Variants in KRCC1 observed in about 807,000 individuals in gnomAD.
KRCC1 encodes the protein lysine-rich coiled-coil protein 1.
A neutral mutation model predicts 7.4 loss-of-function variants in KRCC1; 3 were observed. The ratio of observed to expected loss-of-function variants is 0.40; its 90% CI spans 0.18 to 1.04. KRCC1 has a LOEUF of 1.04. Ranked by LOEUF, KRCC1 falls within the 50% of genes least tolerant of loss-of-function variation. KRCC1 has a pLI of 0.33. For synonymous variants in KRCC1, 102 were observed against 101.6 expected (o/e 1.00, Z -0.02); for missense variants, 277 against 300.9 (o/e 0.92, Z 0.59).
At chr2:88,053,418 A>C (rs1229276666) in intron 1 of KRCC1, among the ~76,000 whole-genome samples, 1 of 152,238 alleles carries the variant, frequency 6.6e-6, no homozygotes, top group Admixed American at 6.5e-5. Flanking sequence ...TCTGCCAAAA[A>C]GCTTTTTTCC....
chr2:88,055,121 T>TC (rs976598819), intron 1 of KRCC1, among the ~76,000 whole-genome samples: 2 of 150,758 alleles, frequency 1.3e-5, no homozygotes, highest in Non-Finnish European at 3.0e-5. Context: ...CCTCTTCTCT[T>TC]CCCCCAAGGG....
intron 1 of KRCC1, among the ~76,000 whole-genome samples, chr2:88,051,340 T>C (rs1673479797): frequency 6.6e-6 from 1 of 152,216 alleles, no homozygotes; most frequent in Non-Finnish European, 1.5e-5. Flanking sequence ...TTCAAATCAG[T>C]TTTAATGGTC....
intron 2 of KRCC1, among the ~76,000 whole-genome samples, chr2:88,036,267 A>G (rs1350709078): frequency 6.6e-6 from 1 of 152,320 alleles, no homozygotes; most frequent in East Asian, 1.9e-4. Context: ...AGCCATTGTA[A>G]TGTAGTATAC....
Position 88,041,952 on chromosome 2 carries a change from C to T in KRCC1, c.-290-4901G>A, listed in dbSNP as rs1048062784. ...TAAAATCCTGGAGGTAGCATCTCTC[C>T]CCCCCGATATTGGCTATCTTCTCCC... On this transcript the variant is annotated intron_variant, in intron 1 of 3. Transcript: ENST00000347055. 7.2e-5 allele frequency among the ~76,000 whole-genome samples: 11 copies of T among 152,092 alleles called. No homozygotes were observed. The South Asian group carries it at 8.3e-4, about 11-fold the overall frequency.
Position 88,032,575 on chromosome 2 carries a change from C to T in KRCC1, c.-23+1559G>A, listed in dbSNP as rs150395536. ...AATGTATCCTGGTCGTTAACGGACACATGACTGGGTGTCTATACAAAGACA... is the reference window on the plus strand; with the variant it reads ...AATGTATCCTGGTCGTTAACGGACATATGACTGGGTGTCTATACAAAGACA... On this transcript the variant is annotated intron_variant, in intron 3 of 3. Coordinates refer to ENST00000347055, the MANE Select transcript of KRCC1 (RefSeq NM_016618.3). Among the ~76,000 whole-genome samples the T allele has an allele frequency of 1.0e-3, 152 of 152,264 alleles. 3 individuals are homozygous for T. The East Asian group carries it at 0.027, about 27-fold the overall frequency.
intron 1 of KRCC1, among the ~76,000 whole-genome samples, chr2:88,048,439 C>A (rs1255243940): frequency 6.6e-6 from 1 of 151,968 alleles, no homozygotes; most frequent in Non-Finnish European, 1.5e-5. Context: ...CCTATGAATG[C>A]AGTTTTGTTT....
intron 1 of KRCC1, among the ~76,000 whole-genome samples, 198 bp downstream of exon 1, chr2:88,055,428 A>C (rs1673598530): frequency 1.4e-5 from 2 of 147,720 alleles, no homozygotes; most frequent in African/African-American, 2.5e-5. Flanking sequence ...TTCCCTCCGC[A>C]CTCCACTCGG....
intron 1 of KRCC1, among the ~76,000 whole-genome samples, chr2:88,038,815 A>G (rs565898793): frequency 4.6e-5 from 7 of 152,314 alleles, no homozygotes; most frequent in East Asian, 3.9e-4. Flanking sequence ...ACTCACTATC[A>G]TAAGAACAAC....
chr2:88,053,322 C>T (rs570647421), intron 1 of KRCC1, among the ~76,000 whole-genome samples: 1 of 152,268 alleles, frequency 6.6e-6, no homozygotes, highest in South Asian at 2.1e-4. Flanking sequence ...AAGGTTACTG[C>T]TAGTACTGTG....
rs6731244 is a variant in KRCC1 at position 88,040,105 on chromosome 2, G to A, written c.-290-3054C>T. On this transcript the variant is annotated intron_variant, in intron 1 of 3. Coordinates refer to ENST00000347055, the MANE Select transcript of KRCC1 (RefSeq NM_016618.3). Reference sequence around the variant, plus strand: ...GAGGACTAGTTATTTAGAAGCTCAAGATATCTTAAAATAGAACAATAATTT... The same window carrying A: ...GAGGACTAGTTATTTAGAAGCTCAAAATATCTTAAAATAGAACAATAATTT... Among the ~76,000 whole-genome samples, 1,168 of 152,258 alleles carry A rather than the reference G, an allele frequency of 7.7e-3. 14 individuals are homozygous for A. The highest frequency in any genetic ancestry group is 0.027 in the African/African-American group (1,137 of 41,538).
intron 1 of KRCC1, among the ~76,000 whole-genome samples, chr2:88,052,703 T>G (rs115366209): frequency 0.014 from 2,162 of 152,324 alleles, 39 homozygotes; most frequent in African/African-American, 0.05. Context: ...TGACATGCTT[T>G]TATACATTTC....
chr2:88,034,673 T>C (rs75093595), intron 2 of KRCC1, among the ~76,000 whole-genome samples: 5,339 of 152,264 alleles, frequency 0.035, 299 homozygotes, highest in African/African-American at 0.12. Context: ...TTTAAAAATA[T>C]TGAAATAATA....
intron 1 of KRCC1, among the ~76,000 whole-genome samples, chr2:88,044,547 GC>G (rs1378711730): frequency 6.6e-6 from 1 of 152,134 alleles, no homozygotes; most frequent in African/African-American, 2.4e-5. Context: ...TTTAAAAAGG[GC>G]AAAAGGTCTG....
At position 88,042,730 on chromosome 2, in the gene KRCC1, T is replaced by A. The variant is rs991706341; in HGVS notation, c.-290-5679A>T. On this transcript the variant is annotated intron_variant, in intron 1 of 3. Coordinates refer to ENST00000347055, the MANE Select transcript of KRCC1 (RefSeq NM_016618.3). ...CCACCGCAGCCACCTGAGAATTTTT[T>A]AAAATTCAAATGATCTTAATCTTGG... Among the ~76,000 whole-genome samples the A allele has an allele frequency of 2.5e-4, 38 of 152,198 alleles. 1 individual carries two copies. Among genetic ancestry groups the A allele is most frequent in the Admixed American group, 2.2e-3 (34 of 15,284 alleles).
Position 88,034,116 on chromosome 2 carries a change from G to A in KRCC1, c.-23+18C>T, listed in dbSNP as rs1573075897. ...ATGGCACAGAGATGAATAAAGAGGT[G>A]AATGGAACCTTACTTACCCTTATCA... On this transcript the variant is annotated intron_variant, in intron 3 of 3. Transcript: ENST00000347055. The A allele has an allele frequency of 6.6e-6, 1 of 152,606 alleles. No individual in the cohort carries two copies. Among genetic ancestry groups the A allele is most frequent in the Non-Finnish European group, 1.5e-5 (1 of 68,026 alleles). 9.5% of individuals were successfully genotyped at this position (152,606 alleles called of 1,614,324 possible). A position where few individuals can be genotyped will look rare whatever the true frequency, so the allele number is the denominator to read the frequency against.
At chr2:88,054,667 T>C (rs1175764287) in intron 1 of KRCC1, among the ~76,000 whole-genome samples, 2 of 152,120 alleles carry the variant, frequency 1.3e-5, no homozygotes, top group Non-Finnish European at 2.9e-5. Flanking sequence ...CCCTACTCCC[T>C]TCATCTCCCT....
At chr2:88,053,010 A>G (rs1673530744) in intron 1 of KRCC1, among the ~76,000 whole-genome samples, 1 of 152,040 alleles carries the variant, frequency 6.6e-6, no homozygotes, top group Non-Finnish European at 1.5e-5. Flanking sequence ...TTCATCTTTC[A>G]GGATTTCAAC....
At chr2:88,052,762 T>C (rs1183666101) in intron 1 of KRCC1, among the ~76,000 whole-genome samples, 5 of 152,244 alleles carry the variant, frequency 3.3e-5, no homozygotes, top group Non-Finnish European at 7.3e-5. Flanking sequence ...CTCATAACTG[T>C]TACATGCATG....
chr2:88,028,643 T>TC, intron 3 of KRCC1, 58 bp from the exon 4 acceptor site: 1 of 751,430 alleles, frequency 1.3e-6, no homozygotes, highest in Non-Finnish European at 1.9e-6. Context: ...TTTCCTTTGC[T>TC]CTTTTTTTTT....
Sources: gnomAD v4.1 joint callset for allele counts (sites outside exome capture counted in the v4.1 genomes callset) on GRCh38, gnomAD v4.1.1 for gene constraint, MANE v1.5 for transcripts, NCBI Gene and HGNC (gene_info 2026-07-23, HGNC 2026-07-21) for gene names.